NUP98: variants seen among roughly 807,000 people sequenced by gnomAD.
The protein encoded by NUP98 is nucleoporin 98 and 96 precursor.
A neutral mutation model predicts 191.9 loss-of-function variants in NUP98; 26 were observed. The ratio of observed to expected loss-of-function variants is 0.14; its 90% CI spans 0.10 to 0.19. The LOEUF is 0.19. Among genes scored for constraint, NUP98 ranks in the 10% least tolerant of loss-of-function variants. The pLI is 1.00. For missense variants in NUP98, 1,941 were observed against 2,178.8 expected (o/e 0.89, Z 2.17); for synonymous variants, 808 against 778.4 (o/e 1.04, Z -0.63).
At chr11:3,729,543 CAAAAAAAAAAAAA>C (rs36045405) in intron 14 of NUP98, among the ~76,000 whole-genome samples, 34 of 55,752 alleles carry the variant, frequency 6.1e-4, no homozygotes, top group African/African-American at 2.4e-3. Flanking sequence ...CCTGTATCTC[CAAAAAAAAAAAAA>C]AAAAAAAAAA....
chr11:3,719,302 C>G lies in NUP98; in HGVS notation c.2399+110G>C, dbSNP rs577403069. ...TCAAAGTAGAGACAATAAATGTACT[C>G]TATAGTAAGGAAAGCAAGCTACAGA... On this transcript the variant is annotated intron_variant, in intron 18 of 32. Coordinates refer to ENST00000324932, the MANE Select transcript of NUP98 (RefSeq NM_016320.5). 20 of 796,346 alleles carry G rather than the reference C, an allele frequency of 2.5e-5. No individual in the cohort carries two copies. The African/African-American group carries it at 3.6e-4, about 14-fold the overall frequency. The allele number at this position is 796,346 out of a possible 1,614,324, so 49.3% of individuals were successfully genotyped here. A position where few individuals can be genotyped will look rare whatever the true frequency, so the allele number is the denominator to read the frequency against.
At chr11:3,715,127 T>G (rs2079139030) in intron 18 of NUP98, among the ~76,000 whole-genome samples, 1 of 152,204 alleles carries the variant, frequency 6.6e-6, no homozygotes, top group Admixed American at 6.5e-5. Flanking sequence ...GGTTCCAATT[T>G]CTCCACATTG....
chr11:3,746,854 A>G (rs537183510), intron 11 of NUP98, among the ~76,000 whole-genome samples: 20 of 149,378 alleles, frequency 1.3e-4, no homozygotes, highest in African/African-American at 4.8e-4. Flanking sequence ...CGGAGGTTGC[A>G]GTGAGCCGAG....
chr11:3,694,399 G>A (rs1725868167), intron 26 of NUP98, among the ~76,000 whole-genome samples: 1 of 150,560 alleles, frequency 6.6e-6, no homozygotes, highest in African/African-American at 2.4e-5. Context: ...CAAAAATAAC[G>A]CTTCATGACA....
intron 1 of NUP98, among the ~76,000 whole-genome samples, chr11:3,785,043 CAGG>C (rs2133961979): frequency 6.6e-6 from 1 of 151,958 alleles, no homozygotes; most frequent in African/African-American, 2.4e-5. Context: ...GAGGCTGAGA[CAGG>C]AGAATTGCTT....
chr11:3,791,640 G>A (rs1210259476), intron 1 of NUP98, among the ~76,000 whole-genome samples: 1 of 148,272 alleles, frequency 6.7e-6, no homozygotes, highest in Non-Finnish European at 1.5e-5. Context: ...GTCAGGAGTT[G>A]AAGACCAGCC....
intron 12 of NUP98, among the ~76,000 whole-genome samples, chr11:3,740,858 G>A (rs149687131): frequency 2.0e-5 from 3 of 149,828 alleles, no homozygotes; most frequent in Non-Finnish European, 3.0e-5. Flanking sequence ...TCGCACTTTC[G>A]CCCAGGCTGG....
chr11:3,783,342 C>T (rs1036276371), intron 1 of NUP98, among the ~76,000 whole-genome samples: 3 of 152,138 alleles, frequency 2.0e-5, no homozygotes, highest in Non-Finnish European at 2.9e-5. Context: ...GAGCCATTAT[C>T]ATGCCACTTC....
intron 1 of NUP98, among the ~76,000 whole-genome samples, chr11:3,790,789 T>C (rs1013571422): frequency 6.6e-6 from 1 of 152,170 alleles, no homozygotes; most frequent in Non-Finnish European, 1.5e-5. Context: ...TATTGGGAAA[T>C]ACTCAAAAAC....
At chr11:3,768,369 T>C (rs1305615729) in intron 8 of NUP98, among the ~76,000 whole-genome samples, 2 of 147,664 alleles carry the variant, frequency 1.4e-5, no homozygotes, top group Admixed American at 6.9e-5. Context: ...TGCAGTGAGC[T>C]GAGACTGGGC....
chr11:3,781,578 T>C (rs61896897), intron 2 of NUP98: 7,623 of 151,568 alleles, frequency 0.05, 255 homozygotes, highest in Middle Eastern at 0.097. Context: ...TTCAGGCAAT[T>C]AGTCATACAC....
Position 3,686,023 on chromosome 11 carries a change from C to T in NUP98, c.4626G>A (p.Glu1542=). Residue 1542 remains glutamate, a synonymous_variant, in exon 29 of 33, where the codon GAG becomes GAA. Transcript: ENST00000324932. ...CAAAGATGGCCCACTCCCAGAGCCC[C>T]TCACTTTCAAGCTGGCCAGCGTAAC... The part of the protein sequence containing the change: ...QASYAGQLES[E]GLWEWAIFVL... 6.2e-7 allele frequency: 1 copy of T among 1,614,192 alleles called. No individual in the cohort carries two copies. The highest frequency in any genetic ancestry group is 8.5e-7 in the Non-Finnish European group (1 of 1,180,040).
intron 10 of NUP98, among the ~76,000 whole-genome samples, chr11:3,753,699 T>A (rs1170336973): frequency 7.9e-6 from 1 of 127,224 alleles, no homozygotes; most frequent in Non-Finnish European, 1.6e-5. Flanking sequence ...TCACCTGAAG[T>A]CAGGAGTTCA....
chr11:3,693,325 A>G lies in NUP98; in HGVS notation c.4218T>C (p.Asp1406=). The part of the protein sequence containing the change: ...KKQINVCSQL[D]WKRSLAIHLW... ...GATGGATAGCCAGGGAGCGTTTCCAATCCAACTGGGAGCACACGTTTATTT... is the reference window on the plus strand; with the variant it reads ...GATGGATAGCCAGGGAGCGTTTCCAGTCCAACTGGGAGCACACGTTTATTT... The change falls in exon 27 of 33, where the codon GAT becomes GAC. Residue 1406 remains aspartate, a synonymous_variant. Transcript: ENST00000324932. 1 of 1,614,182 alleles carries G rather than the reference A, an allele frequency of 6.2e-7. No individual in the cohort carries two copies. Among genetic ancestry groups the G allele is most frequent in the Non-Finnish European group, 8.5e-7 (1 of 1,180,030 alleles).
At chr11:3,724,203 G>A (rs537782626) in intron 15 of NUP98, among the ~76,000 whole-genome samples, 3 of 151,874 alleles carry the variant, frequency 2.0e-5, no homozygotes, top group African/African-American at 7.3e-5. Flanking sequence ...AGGCCGAGGC[G>A]GGTGGATCGC....
At chr11:3,771,151 C>T (rs1259545337) in intron 7 of NUP98, among the ~76,000 whole-genome samples, 2 of 152,140 alleles carry the variant, frequency 1.3e-5, no homozygotes, top group African/African-American at 4.8e-5. Flanking sequence ...GCGTGAGCCA[C>T]CACACTTGGC....
intron 12 of NUP98, 69 bp from the exon 13 acceptor site, chr11:3,735,393 AAC>A (rs1208324900): frequency 2.3e-6 from 2 of 858,366 alleles, no homozygotes; most frequent in Non-Finnish European, 3.1e-6. Flanking sequence ...ATGCATTTGT[AAC>A]ACAGAGCTCG....
At position 3,738,082 on chromosome 11, in the gene NUP98, G is replaced by A. The variant is rs566242936; in HGVS notation, c.1409-2758C>T. On this transcript the variant is annotated intron_variant, in intron 12 of 32. Transcript: ENST00000324932. ...CAAGTACAAATCATTCTACCTGGGC[G>A]TTCTCAAAAAAAAAAAAAAAAAAAA... Among the ~76,000 whole-genome samples the A allele has an allele frequency of 1.8e-3, 162 of 88,778 alleles. 2 individuals are homozygous for A. Among genetic ancestry groups the A allele is most frequent in the Middle Eastern group, 0.01 (1 of 96 alleles). The allele number at this position is 88,778 out of a possible 152,430, so 58.2% of individuals were successfully genotyped here. A position where few individuals can be genotyped will look rare whatever the true frequency, so the allele number is the denominator to read the frequency against.
chr11:3,767,442 G>A (rs1432875660), intron 8 of NUP98, among the ~76,000 whole-genome samples: 1 of 150,538 alleles, frequency 6.6e-6, no homozygotes, highest in Non-Finnish European at 1.5e-5. Context: ...GGCTATTCTT[G>A]TGCCTCAGCC....
Sources: allele counts gnomAD v4.1 joint callset (sites outside exome capture counted in the v4.1 genomes callset), GRCh38; gene constraint gnomAD v4.1.1; transcripts MANE v1.5; gene names NCBI Gene and HGNC (gene_info 2026-07-23, HGNC 2026-07-21).